Variants in ADAM32 observed in about 807,000 individuals in gnomAD.
ADAM32 encodes ADAM metallopeptidase domain 32.
ADAM32 carries 89 observed loss-of-function variants against 114.9 expected under a neutral mutation model. The ratio of observed to expected loss-of-function variants is 0.77; its 90% confidence interval spans 0.65 to 0.92. ADAM32 has a LOEUF of 0.92. Among genes scored for constraint, ADAM32 ranks in the 40% least tolerant of loss-of-function variants. The probability of loss-of-function intolerance (pLI) is 0.00; values close to 1 mark genes in which losing one functional copy is unlikely to be tolerated. For synonymous variants in ADAM32, 285 were observed against 307.5 expected (o/e 0.93, Z 0.77); for missense variants, 870 against 932.8 (o/e 0.93, Z 0.88).
intron 7 of ADAM32, among the ~76,000 whole-genome samples, chr8:39,162,002 A>ATTT (rs1364281544): frequency 2.4e-3 from 1 of 418 alleles, no homozygotes; most frequent in Non-Finnish European, 0.05. Flanking sequence ...ATTTTATTTT[A>ATTT]TATATATATA....
chr8:39,143,081 C>G (rs186139107), intron 3 of ADAM32, among the ~76,000 whole-genome samples: 701 of 152,284 alleles, frequency 4.6e-3, no homozygotes, highest in African/African-American at 7.3e-3. Flanking sequence ...CTTCTCTACA[C>G]TGTTTATTCT....
At chr8:39,268,397 G>A (rs536865458) in intron 19 of ADAM32, among the ~76,000 whole-genome samples, 30 of 152,232 alleles carry the variant, frequency 2.0e-4, no homozygotes, top group African/African-American at 6.7e-4. Context: ...CTGGAGAAAT[G>A]TCTATTCAAA....
intron 22 of ADAM32, among the ~76,000 whole-genome samples, chr8:39,278,870 A>G (rs1813255272): frequency 6.6e-6 from 1 of 152,132 alleles, no homozygotes; most frequent in South Asian, 2.1e-4. Context: ...TCCACACTGA[A>G]TTTTGAATGA....
At position 39,221,686 on chromosome 8, in the gene ADAM32, GC is replaced by G. The variant is rs1808973194; in HGVS notation, c.1311del (p.Cys438AlafsTer38). The G allele has an allele frequency of 1.9e-6, 3 of 1,610,720 alleles. No individual in the cohort carries two copies. The highest frequency in any genetic ancestry group is 2.5e-6 in the Non-Finnish European group (3 of 1,177,998). On this transcript the variant is annotated frameshift_variant, in exon 13 of 25. Transcript: ENST00000379907. LOFTEE classifies it high-confidence loss of function. ...KDGAKCYKGL[C>X]CKDCQILQSG... ...GGAGCAAAATGTTATAAAGGACTGT[GC>G]TGCAAAGACTGTCAAGTAAGATTTA...
At chr8:39,124,617 C>T (rs547856685) in intron 2 of ADAM32, among the ~76,000 whole-genome samples, 1 of 151,958 alleles carries the variant, frequency 6.6e-6, no homozygotes, top group Non-Finnish European at 1.5e-5. Context: ...GGGGTTTCAC[C>T]GTGTTAGCCA....
At chr8:39,201,204 T>C (rs1807376880) in intron 11 of ADAM32, among the ~76,000 whole-genome samples, 1 of 152,204 alleles carries the variant, frequency 6.6e-6, no homozygotes, top group South Asian at 2.1e-4. Flanking sequence ...AATGTATAAA[T>C]TACCTTGGGC....
chr8:39,239,472 A>G (rs1361151465), intron 16 of ADAM32, among the ~76,000 whole-genome samples: 1 of 152,220 alleles, frequency 6.6e-6, no homozygotes, highest in Non-Finnish European at 1.5e-5. Flanking sequence ...AACCTCTTTA[A>G]AGCATAAATT....
At chr8:39,183,188 C>T (rs1014767799) in intron 10 of ADAM32, among the ~76,000 whole-genome samples, 3 of 152,104 alleles carry the variant, frequency 2.0e-5, no homozygotes, top group African/African-American at 7.2e-5. Context: ...TGGCGTGGCA[C>T]CTCCATTGGC....
At chr8:39,248,737 A>C (rs1273065988) in intron 17 of ADAM32, among the ~76,000 whole-genome samples, 1 of 152,096 alleles carries the variant, frequency 6.6e-6, no homozygotes, top group African/African-American at 2.4e-5. Flanking sequence ...TGGTGAGAGG[A>C]GACGTCCTTG....
intron 11 of ADAM32, among the ~76,000 whole-genome samples, chr8:39,200,607 T>C (rs1449369896): frequency 6.6e-6 from 1 of 152,242 alleles, no homozygotes; most frequent in Non-Finnish European, 1.5e-5. Context: ...TCTTTTGTTG[T>C]GCAGAAGCTC....
chr8:39,276,435 G>C (rs189957359), intron 22 of ADAM32: 3 of 152,236 alleles, frequency 2.0e-5, no homozygotes, highest in African/African-American at 7.2e-5. Context: ...CTCACACTCA[G>C]CAATTGTGGG....
At chr8:39,123,746 T>C (rs1258502361) in intron 2 of ADAM32, among the ~76,000 whole-genome samples, 1 of 148,828 alleles carries the variant, frequency 6.7e-6, no homozygotes, top group Admixed American at 6.8e-5. Flanking sequence ...TCACTCTGTC[T>C]CCCAGGCTAG....
chr8:39,203,826 G>A (rs1807613557), intron 11 of ADAM32, among the ~76,000 whole-genome samples: 1 of 152,132 alleles, frequency 6.6e-6, no homozygotes, highest in African/African-American at 2.4e-5. Context: ...AGGCAGGCCT[G>A]GTGGTGACAA....
chr8:39,216,710 C>A, intron 12 of ADAM32, among the ~76,000 whole-genome samples: 1 of 152,004 alleles, frequency 6.6e-6, no homozygotes, highest in South Asian at 2.1e-4. Context: ...CACAAACAAA[C>A]AAGCAAAAAG....
At chr8:39,236,194 C>G (rs1372776562) in intron 16 of ADAM32, among the ~76,000 whole-genome samples, 2 of 152,014 alleles carry the variant, frequency 1.3e-5, no homozygotes, top group African/African-American at 2.4e-5. Context: ...TACATTTTAA[C>G]AAAAATTTCT....
chr8:39,116,617 C>G (rs1840388357), intron 1 of ADAM32, among the ~76,000 whole-genome samples: 1 of 152,150 alleles, frequency 6.6e-6, no homozygotes, highest in African/African-American at 2.4e-5. Context: ...AGTTGCTTAT[C>G]AGATCTAGGA....
intron 16 of ADAM32, among the ~76,000 whole-genome samples, chr8:39,239,587 T>C (rs901710482): frequency 6.6e-6 from 1 of 152,068 alleles, no homozygotes; most frequent in Non-Finnish European, 1.5e-5. Context: ...AATACTAACA[T>C]TGAAAATAAA....
chr8:39,209,956 G>A (rs1808102241), intron 11 of ADAM32, among the ~76,000 whole-genome samples: 1 of 152,238 alleles, frequency 6.6e-6, no homozygotes, highest in South Asian at 2.1e-4. Flanking sequence ...TCATAGACCA[G>A]CACAGTAATG....
intron 16 of ADAM32, among the ~76,000 whole-genome samples, chr8:39,245,705 G>A (rs945948479): frequency 2.0e-5 from 3 of 152,108 alleles, no homozygotes; most frequent in South Asian, 4.2e-4. Context: ...ATAAGTCACT[G>A]TTGTTGAGGC....
Sources: gnomAD v4.1 joint callset for allele counts (sites outside exome capture counted in the v4.1 genomes callset) on GRCh38, gnomAD v4.1.1 for gene constraint, MANE v1.5 for transcripts, NCBI Gene and HGNC (gene_info 2026-07-23, HGNC 2026-07-21) for gene names.